Variants in SAMD5 observed in about 807,000 individuals in gnomAD.
SAMD5 encodes the protein sterile alpha motif domain containing 5.
Under a neutral mutation model 11.3 loss-of-function variants are expected in SAMD5, and 13 were observed. The observed-to-expected ratio is 1.15, with a 90% CI of 0.75 to 1.83. The LOEUF (loss-of-function observed/expected upper bound fraction) is 1.83. Ranked by LOEUF, SAMD5 falls within the 40% of genes most tolerant of loss-of-function variation. SAMD5 has a pLI of 0.00. For synonymous variants in SAMD5, 129 were observed against 111.3 expected (o/e 1.16, Z -1.00); for missense variants, 255 against 239.1 (o/e 1.07, Z -0.44).
chr6:147,707,064 A>T (rs1791334414), intron 1 of SAMD5, among the ~76,000 whole-genome samples: 1 of 152,224 alleles, frequency 6.6e-6, no homozygotes, highest in Non-Finnish European at 1.5e-5. Context: ...TTGTTGGCTA[A>T]TGATGTGTTT....
At chr6:147,722,465 T>G (rs1791569476) in intron 1 of SAMD5, among the ~76,000 whole-genome samples, 1 of 152,230 alleles carries the variant, frequency 6.6e-6, no homozygotes, top group Non-Finnish European at 1.5e-5. Context: ...TTTCCTCTAC[T>G]GAAATGCTTT....
the SAMD5 span, among the ~76,000 whole-genome samples, chr6:147,925,216 T>G: frequency 1.3e-5 from 2 of 152,086 alleles, no homozygotes; most frequent in Non-Finnish European, 2.9e-5. Flanking sequence ...TCAAAAGACA[T>G]GAGAGAACTT....
chr6:147,768,523 C>CA, the SAMD5 span, among the ~76,000 whole-genome samples: 29 of 151,662 alleles, frequency 1.9e-4, no homozygotes, highest in East Asian at 3.9e-4. Context: ...ACAACAACAA[C>CA]AAAAAAACAG....
At chr6:147,713,065 G>A (rs1012238789) in intron 1 of SAMD5, among the ~76,000 whole-genome samples, 4 of 152,170 alleles carry the variant, frequency 2.6e-5, no homozygotes, top group Non-Finnish European at 5.9e-5. Flanking sequence ...AGCTTGTGAT[G>A]TCAAGCATGT....
the SAMD5 span, among the ~76,000 whole-genome samples, chr6:147,843,441 G>A: frequency 1.3e-5 from 2 of 152,138 alleles, no homozygotes; most frequent in Non-Finnish European, 2.9e-5. Flanking sequence ...CAAATTCAGT[G>A]CAATTCCTAT....
At chr6:147,909,612 C>CTT in the SAMD5 span, among the ~76,000 whole-genome samples, 88 of 73,042 alleles carry the variant, frequency 1.2e-3, 4 homozygotes, top group African/African-American at 7.3e-3. Context: ...TTCTTTCTTT[C>CTT]TTTCTTTCTT....
At chr6:147,930,719 C>T in the SAMD5 span, among the ~76,000 whole-genome samples, 4 of 152,082 alleles carry the variant, frequency 2.6e-5, no homozygotes, top group Non-Finnish European at 4.4e-5. Flanking sequence ...GTGCAAGTCC[C>T]AGAGTCCGAA....
At chr6:147,812,567 T>A in the SAMD5 span, among the ~76,000 whole-genome samples, 1 of 152,148 alleles carries the variant, frequency 6.6e-6, no homozygotes, top group African/African-American at 2.4e-5. Context: ...TCTGTATATT[T>A]AAAAATCTTG....
chr6:147,617,626 A>G (rs1443116423), intron 1 of SAMD5, among the ~76,000 whole-genome samples: 1 of 152,216 alleles, frequency 6.6e-6, no homozygotes, highest in Non-Finnish European at 1.5e-5. Context: ...TGCCGGAAAC[A>G]AATGCTGGGT....
chr6:147,541,950 G>A (rs1222521830), intron 1 of SAMD5, among the ~76,000 whole-genome samples: 2 of 152,002 alleles, frequency 1.3e-5, no homozygotes, highest in Admixed American at 6.6e-5. Flanking sequence ...GAGACACCCT[G>A]CAGTGAGGCT....
chr6:147,577,624 AT>A (rs1482833859), intron 1 of SAMD5, among the ~76,000 whole-genome samples: 1 of 152,144 alleles, frequency 6.6e-6, no homozygotes, highest in Non-Finnish European at 1.5e-5. Flanking sequence ...CATTTGAAGA[AT>A]AAGTAAATAT....
chr6:147,633,381 T>C (rs1399896546), intron 1 of SAMD5, among the ~76,000 whole-genome samples: 1 of 152,158 alleles, frequency 6.6e-6, no homozygotes, highest in Non-Finnish European at 1.5e-5. Context: ...TGCGGTTTCT[T>C]ATTCCTTCTG....
At chr6:147,656,040 C>A (rs1263695792) in intron 1 of SAMD5, among the ~76,000 whole-genome samples, 1 of 151,994 alleles carries the variant, frequency 6.6e-6, no homozygotes, top group Non-Finnish European at 1.5e-5. Flanking sequence ...AATTATGGAT[C>A]AAAATCCAGT....
chr6:147,744,925 G>A, the SAMD5 span, among the ~76,000 whole-genome samples: 3,798 of 49,242 alleles, frequency 0.077, 77 homozygotes, highest in Middle Eastern at 0.21. Context: ...AAATAAATAA[G>A]TAAGTAAAAG....
At chr6:147,646,030 C>CTATG (rs1790394647) in intron 1 of SAMD5, among the ~76,000 whole-genome samples, 1 of 14,718 alleles carries the variant, frequency 6.8e-5, no homozygotes, top group Non-Finnish European at 1.3e-4. Context: ...ATCTATGTAT[C>CTATG]TATCTATCTA....
At chr6:147,867,881 A>C in the SAMD5 span, among the ~76,000 whole-genome samples, 1 of 152,316 alleles carries the variant, frequency 6.6e-6, no homozygotes, top group Admixed American at 6.5e-5. Context: ...AAACAAACAA[A>C]CAAAACAATT....
At chr6:147,806,685 C>A in the SAMD5 span, among the ~76,000 whole-genome samples, 1 of 152,178 alleles carries the variant, frequency 6.6e-6, no homozygotes. Context: ...CTCTTGCCTG[C>A]ACTAATTTTT....
chr6:147,892,477 C>T, the SAMD5 span, among the ~76,000 whole-genome samples: 1 of 152,170 alleles, frequency 6.6e-6, no homozygotes, highest in African/African-American at 2.4e-5. Flanking sequence ...GAATTAAACT[C>T]CCTGGGTAAT....
At chr6:147,952,031 G>C in the SAMD5 span, among the ~76,000 whole-genome samples, 1 of 152,254 alleles carries the variant, frequency 6.6e-6, no homozygotes, top group South Asian at 2.1e-4. Flanking sequence ...GCTAGAAATT[G>C]GTTTTGGTGA....
Sources: gnomAD v4.1 joint callset for allele counts (sites outside exome capture counted in the v4.1 genomes callset) on GRCh38, gnomAD v4.1.1 for gene constraint, MANE v1.5 for transcripts, NCBI Gene and HGNC (gene_info 2026-07-23, HGNC 2026-07-21) for gene names.